The following SERPINB12 variants were observed in gnomAD, a reference collection of about 807,000 sequenced individuals.
SERPINB12 encodes serpin B12.
SERPINB12 carries 57 observed loss-of-function variants against 41.1 expected under a neutral mutation model. That is an observed-to-expected ratio of 1.39 (90% confidence interval 1.12 to 1.73). The LOEUF (loss-of-function observed/expected upper bound fraction) is 1.73. Ranked by LOEUF, SERPINB12 falls within the 40% of genes most tolerant of loss-of-function variation. The probability of loss-of-function intolerance (pLI) is 0.00; values close to 1 mark genes in which losing one functional copy is unlikely to be tolerated. For missense variants in SERPINB12, 536 were observed against 501.9 expected (o/e 1.07, Z -0.65); for synonymous variants, 180 against 181.3 (o/e 0.99, Z 0.06).
At chr18:63,542,026 C>T (rs116834921), upstream of SERPINB12, among the ~76,000 whole-genome samples, 665 of 152,162 alleles carry the variant, frequency 4.4e-3, 6 homozygotes, top group African/African-American at 0.015. Flanking sequence ...AAAAATATTC[C>T]GCTTGGGTTT....
chr18:63,557,304 A>G (rs1358398413), intron 2 of SERPINB12, among the ~76,000 whole-genome samples: 1 of 152,120 alleles, frequency 6.6e-6, no homozygotes, highest in Non-Finnish European at 1.5e-5. Flanking sequence ...TACGGGGCCT[A>G]CTTTGACCTC....
In SERPINB12 at chr18:63,567,760, A is replaced by G. The variant is rs140358525; in HGVS notation, c.*749A>G. Among the ~76,000 whole-genome samples the G allele has an allele frequency of 2.3e-3, 345 of 152,292 alleles. 1 individual carries two copies. The highest frequency in any genetic ancestry group is 7.7e-3 in the African/African-American group (321 of 41,564). The stretch of plus-strand genomic sequence containing the variant: ...ATTGAGTCCCCCAACATTATCATCA[A>G]ACACTTCCCTCTGTCTCTCCTCCCC... On this transcript the variant is annotated 3_prime_UTR_variant, in exon 8 of 8. Transcript: ENST00000382768.
At chr18:63,524,981 C>T in the SERPINB12 span, among the ~76,000 whole-genome samples, 7 of 152,034 alleles carry the variant, frequency 4.6e-5, no homozygotes, top group Non-Finnish European at 1.0e-4. Flanking sequence ...AACTCCTGAC[C>T]TCAGGTGATC....
At chr18:63,524,754 C>CT in the SERPINB12 span, among the ~76,000 whole-genome samples, 501 of 138,474 alleles carry the variant, frequency 3.6e-3, 2 homozygotes, top group South Asian at 6.8e-3. Context: ...TTTCCCTTTC[C>CT]TTTTTTTTTT....
the SERPINB12 span, among the ~76,000 whole-genome samples, chr18:63,522,735 TCTGA>T: frequency 6.6e-6 from 1 of 152,170 alleles, no homozygotes; most frequent in Non-Finnish European, 1.5e-5. Flanking sequence ...TTGCCATGAA[TCTGA>T]CTGCAGATGC....
At chr18:63,526,223 C>T in the SERPINB12 span, among the ~76,000 whole-genome samples, 1 of 152,128 alleles carries the variant, frequency 6.6e-6, no homozygotes, top group Non-Finnish European at 1.5e-5. Flanking sequence ...AAAGCTATTA[C>T]ATACACACAA....
rs1910761102 is a variant in SERPINB12 at position 63,558,563 on chromosome 18, A to G, written c.303+77A>G. 3.4e-6 allele frequency: 5 copies of G among 1,475,462 alleles called. No homozygotes were observed. In the South Asian group the frequency reaches 4.0e-5, roughly 12 times the overall value. 91.4% of individuals were successfully genotyped at this position (1,475,462 alleles called of 1,614,324 possible). On this transcript the variant is annotated intron_variant, in intron 3 of 7. Transcript: ENST00000382768. ...TTCTGGCTGTAGGATATTTGGTGAT[A>G]GTTGCTTATCCCCAAATATTAGACT... is the stretch of plus-strand genomic sequence containing the variant.
At position 63,567,795 on chromosome 18, in the gene SERPINB12, A is replaced by G. The variant is rs1489391672; in HGVS notation, c.*784A>G. Among the ~76,000 whole-genome samples, 1 of 152,228 alleles carries G rather than the reference A, an allele frequency of 6.6e-6. No individual in the cohort carries two copies. Among genetic ancestry groups the G allele is most frequent in the Non-Finnish European group, 1.5e-5 (1 of 68,036 alleles). ...TCTGTCTCTCCTCCCCCTAGCTCCA[A>G]GAATTCCCACCTGTGGCTAGCTCCT... is the stretch of plus-strand genomic sequence containing the variant. On this transcript the variant is annotated 3_prime_UTR_variant, in exon 8 of 8. Transcript: ENST00000382768.
intron 1 of SERPINB12, among the ~76,000 whole-genome samples, chr18:63,550,606 A>G (rs957726303): frequency 6.6e-6 from 1 of 152,158 alleles, no homozygotes; most frequent in African/African-American, 2.4e-5. Flanking sequence ...CACTCCAACC[A>G]AAAAAGGAAC....
At chr18:63,555,153 A>ATC (rs1910633848) in intron 1 of SERPINB12, among the ~76,000 whole-genome samples, 1 of 152,214 alleles carries the variant, frequency 6.6e-6, no homozygotes, top group South Asian at 2.1e-4. Flanking sequence ...ACCTGGTGAC[A>ATC]TCAAGACCCC....
upstream of SERPINB12, among the ~76,000 whole-genome samples, chr18:63,540,276 A>G (rs552513035): frequency 2.0e-5 from 3 of 152,296 alleles, no homozygotes; most frequent in South Asian, 4.1e-4. Context: ...GAAAAACAAA[A>G]TAGTGCAAAG....
At chr18:63,561,303 T>A (rs542506903) in intron 5 of SERPINB12, 101 bp downstream of exon 5, 1 of 707,080 alleles carries the variant, frequency 1.4e-6, no homozygotes, top group South Asian at 1.7e-5. Flanking sequence ...GGGCCAGAGG[T>A]TCACATATGT....
chr18:63,528,247 AT>A, the SERPINB12 span, among the ~76,000 whole-genome samples: 2 of 152,110 alleles, frequency 1.3e-5, no homozygotes, highest in African/African-American at 4.8e-5. Context: ...ATAGCCACAA[AT>A]TATCCTTGGT....
At chr18:63,521,877 C>T in the SERPINB12 span, among the ~76,000 whole-genome samples, 3 of 152,114 alleles carry the variant, frequency 2.0e-5, no homozygotes, top group Non-Finnish European at 2.9e-5. Context: ...GACCAGTTAT[C>T]GTTCTTAGTT....
chr18:63,548,053 C>G (rs1910430163), intron 1 of SERPINB12, among the ~76,000 whole-genome samples: 1 of 151,970 alleles, frequency 6.6e-6, no homozygotes. Context: ...GTAAAGACAT[C>G]AGTATAAAAA....
the SERPINB12 span, among the ~76,000 whole-genome samples, chr18:63,537,106 G>A: frequency 1.3e-5 from 2 of 152,162 alleles, no homozygotes; most frequent in South Asian, 4.1e-4. Flanking sequence ...ATGTTATCAA[G>A]AGAAGATTAA....
chr18:63,564,815 A>C (rs1911038089), intron 6 of SERPINB12, among the ~76,000 whole-genome samples: 1 of 152,182 alleles, frequency 6.6e-6, no homozygotes, highest in Non-Finnish European at 1.5e-5. Flanking sequence ...GACAGCTGGC[A>C]GGGCGTGTTT....
At chr18:63,559,915 A>C (rs1293857989) in intron 4 of SERPINB12, among the ~76,000 whole-genome samples, 197 bp downstream of exon 4, 1 of 152,142 alleles carries the variant, frequency 6.6e-6, no homozygotes, top group Non-Finnish European at 1.5e-5. Context: ...CAATGTGAGC[A>C]GTTTACGGGG....
chr18:63,559,003 C>CTTCCTTCTTTCT (rs1555675577), intron 3 of SERPINB12, among the ~76,000 whole-genome samples: 2 of 78,536 alleles, frequency 2.5e-5, no homozygotes, highest in East Asian at 3.4e-4. Context: ...TCTTTCCTTC[C>CTTCCTTCTTTCT]TTCTTTCTTT....
Sources: gnomAD v4.1 joint callset for allele counts (sites outside exome capture counted in the v4.1 genomes callset) on GRCh38, gnomAD v4.1.1 for gene constraint, MANE v1.5 for transcripts, NCBI Gene and HGNC (gene_info 2026-07-23, HGNC 2026-07-21) for gene names.